The following FAM50B variants were observed in gnomAD, a reference collection of about 807,000 sequenced individuals.
The protein encoded by FAM50B is protein FAM50B.
Under a neutral mutation model 25.4 loss-of-function variants are expected in FAM50B, and 9 were observed. That is an observed-to-expected ratio of 0.35 (90% CI 0.21 to 0.62). FAM50B has a LOEUF of 0.62. Ranked by LOEUF, FAM50B falls within the 20% of genes least tolerant of loss-of-function variation. FAM50B has a pLI of 0.73. For synonymous variants in FAM50B, 212 were observed against 204.3 expected (o/e 1.04, Z -0.32); for missense variants, 372 against 477.9 (o/e 0.78, Z 2.07).
At chr6:3,839,122 A>G in the FAM50B span, among the ~76,000 whole-genome samples, 1 of 151,744 alleles carries the variant, frequency 6.6e-6, no homozygotes, top group Non-Finnish European at 1.5e-5. Flanking sequence ...AAGCTGTATA[A>G]TAAGCATGGC....
chr6:3,834,857 G>A, the FAM50B span, among the ~76,000 whole-genome samples: 1 of 152,058 alleles, frequency 6.6e-6, no homozygotes, highest in African/African-American at 2.4e-5. Flanking sequence ...ACAACATACA[G>A]AATGATCCCA....
Position 3,850,285 on chromosome 6 carries a change from C to CGAG in FAM50B, c.484_486dup (p.Glu162dup). The CGAG allele has an allele frequency of 1.2e-6, 2 of 1,613,102 alleles. No homozygotes were observed. The highest frequency in any genetic ancestry group is 1.1e-5 in the South Asian group (1 of 91,060). ...CCAGCTTCCTGCCAGACCGCGACCG[C>CGAG]GAGGAGGAGGAGAACCGGCTCCGAG... On this transcript the variant is annotated inframe_insertion, in exon 2 of 2. Coordinates refer to ENST00000648326, the MANE Select transcript of FAM50B (RefSeq NM_012135.3).
At chr6:3,844,381 C>T (rs1323788894), upstream of FAM50B, among the ~76,000 whole-genome samples, 5 of 152,142 alleles carry the variant, frequency 3.3e-5, no homozygotes, top group African/African-American at 1.2e-4. Flanking sequence ...GAATGTACCA[C>T]ATTTATTTAA....
chr6:3,850,650 C>T lies in FAM50B; in HGVS notation c.839C>T (p.Ala280Val). The change falls in exon 2 of 2, where the codon GCC becomes GTC. Residue 280 changes from alanine (A) to valine (V), a missense_variant. Physicochemically the swap from Ala to Val is moderately conservative, Grantham distance 64. Coordinates refer to ENST00000648326, the MANE Select transcript of FAM50B (RefSeq NM_012135.3). Reference sequence around the variant, plus strand: ...GATGACGTGCGCCTGCTCAGCGACGCCACCATGGAGAAGGACGAGTCGCAC... The same window carrying T: ...GATGACGTGCGCCTGCTCAGCGACGTCACCATGGAGAAGGACGAGTCGCAC... ...VHDDVRLLSD[A>V]TMEKDESHAG... is the part of the protein sequence containing the mutation. The T allele has an allele frequency of 6.2e-7, 1 of 1,614,150 alleles. No homozygotes were observed. Among genetic ancestry groups the T allele is most frequent in the Admixed American group, 1.7e-5 (1 of 60,030 alleles).
chr6:3,834,202 G>A, the FAM50B span, among the ~76,000 whole-genome samples: 8 of 151,944 alleles, frequency 5.3e-5, no homozygotes, highest in Non-Finnish European at 1.2e-4. Context: ...CTGAGTGAAC[G>A]TGTGTGACAC....
At chr6:3,849,043 C>A (rs188631053), upstream of FAM50B, among the ~76,000 whole-genome samples, 11 of 152,332 alleles carry the variant, frequency 7.2e-5, no homozygotes, top group Middle Eastern at 0.017. Flanking sequence ...GCTTGCGCTG[C>A]GCCCACATTG....
chr6:3,838,460 A>G, the FAM50B span, among the ~76,000 whole-genome samples: 1 of 152,236 alleles, frequency 6.6e-6, no homozygotes, highest in Non-Finnish European at 1.5e-5. Flanking sequence ...CTGTAATCCC[A>G]GCACTTTGGG....
In FAM50B at chr6:3,850,437, T is replaced by A. The variant is rs1218548399; in HGVS notation, c.626T>A (p.Val209Glu). 6.2e-7 allele frequency: 1 copy of A among 1,613,400 alleles called. No homozygotes were observed. The highest frequency in any genetic ancestry group is 1.1e-5 in the South Asian group (1 of 91,076). ...RTVRVRKGNT[V>E]QQFLKKALQG... ...GTGCGGGTGCGCAAGGGCAACACGGTGCAGCAGTTCCTGAAGAAGGCGCTG... is the reference window on the plus strand; with the variant it reads ...GTGCGGGTGCGCAAGGGCAACACGGAGCAGCAGTTCCTGAAGAAGGCGCTG... The change falls in exon 2 of 2, where the codon GTG (valine) becomes GAG (glutamate). Residue 209 changes from valine to glutamate, a missense_variant. Physicochemically the swap from Val to Glu is moderately radical, Grantham distance 121 (BLOSUM62 -2). This residue lies in a region of FAM50B where 224 missense variants were observed against 232.2 expected (regional missense o/e 0.96). Coordinates refer to ENST00000648326, the MANE Select transcript of FAM50B (RefSeq NM_012135.3).
chr6:3,846,562 T>C (rs1238729144), upstream of FAM50B, among the ~76,000 whole-genome samples: 2 of 152,234 alleles, frequency 1.3e-5, no homozygotes, highest in Non-Finnish European at 2.9e-5. Flanking sequence ...TAAATCAATA[T>C]TGAGTTTGTC....
chr6:3,850,515 T>A lies in FAM50B; in HGVS notation c.704T>A (p.Leu235His). ...CTGCGCTCCGCCGGCGTGGAGCAGCTCATGTTCATCAAGGAGGACCTCATC... is the reference window on the plus strand; with the variant it reads ...CTGCGCTCCGCCGGCGTGGAGCAGCACATGTTCATCAAGGAGGACCTCATC... The part of the protein sequence containing the change: ...LELRSAGVEQ[L>H]MFIKEDLILP... The change falls in exon 2 of 2, where the codon CTC (leucine) becomes CAC (histidine). Residue 235 changes from leucine to histidine, a missense_variant. This residue lies in a region of FAM50B where 224 missense variants were observed against 232.2 expected (regional missense o/e 0.96). Transcript: ENST00000648326. 6.2e-7 allele frequency: 1 copy of A among 1,613,770 alleles called. No homozygotes were observed. The highest frequency in any genetic ancestry group is 1.1e-5 in the South Asian group (1 of 91,070).
chr6:3,833,144 A>G, the FAM50B span, among the ~76,000 whole-genome samples: 1 of 152,154 alleles, frequency 6.6e-6, no homozygotes, highest in Non-Finnish European at 1.5e-5. Context: ...ACAGGCATGA[A>G]CCACTGCACC....
At chr6:3,837,583 A>G in the FAM50B span, among the ~76,000 whole-genome samples, 5 of 151,692 alleles carry the variant, frequency 3.3e-5, no homozygotes, top group African/African-American at 1.2e-4. Context: ...AATATCCAGC[A>G]TCTTAGCCCA....
chr6:3,848,276 G>T (rs1385499081), upstream of FAM50B, among the ~76,000 whole-genome samples: 6 of 152,132 alleles, frequency 3.9e-5, no homozygotes, highest in Admixed American at 6.5e-5. Context: ...CTGGTGATGG[G>T]GCAACAATGA....
At chr6:3,836,223 C>T in the FAM50B span, among the ~76,000 whole-genome samples, 1 of 152,208 alleles carries the variant, frequency 6.6e-6, no homozygotes, top group African/African-American at 2.4e-5. Flanking sequence ...CAGTCTAGTC[C>T]TGTCCCCTAG....
chr6:3,842,201 A>T, the FAM50B span, among the ~76,000 whole-genome samples: 2 of 152,276 alleles, frequency 1.3e-5, no homozygotes, highest in East Asian at 3.8e-4. Context: ...GGCAGTATTG[A>T]AAACAAGAGG....
At chr6:3,838,412 C>T in the FAM50B span, among the ~76,000 whole-genome samples, 1 of 152,058 alleles carries the variant, frequency 6.6e-6, no homozygotes. Flanking sequence ...TACTCAGCAA[C>T]AAAACGGCAT....
the FAM50B span, among the ~76,000 whole-genome samples, chr6:3,832,444 C>G: frequency 5.2e-4 from 79 of 152,344 alleles, no homozygotes; most frequent in African/African-American, 1.8e-3. Context: ...CTACAGTGAA[C>G]AGTTCCATCC....
At chr6:3,842,391 C>T in the FAM50B span, among the ~76,000 whole-genome samples, 3 of 152,216 alleles carry the variant, frequency 2.0e-5, no homozygotes, top group African/African-American at 7.2e-5. Flanking sequence ...CTACATAAAA[C>T]AACACTTTCA....
At chr6:3,849,575 G>A in intron 1 of FAM50B, 89 bp downstream of exon 1, 1 of 634,790 alleles carries the variant, frequency 1.6e-6, no homozygotes, top group Non-Finnish European at 2.5e-6. Flanking sequence ...CCCGTTACGT[G>A]GGGCCGTTCG....
Sources: allele counts gnomAD v4.1 joint callset (sites outside exome capture counted in the v4.1 genomes callset), GRCh38; gene constraint gnomAD v4.1.1; regional missense constraint gnomAD v4.1.1; transcripts MANE v1.5; gene names NCBI Gene and HGNC (gene_info 2026-07-23, HGNC 2026-07-21).